BPGM: variants seen among roughly 807,000 people sequenced by gnomAD.
The protein encoded by BPGM is 2,3-bisphosphoglycerate mutase, erythrocyte.
A neutral mutation model predicts 21.6 loss-of-function variants in BPGM; 15 were observed. That is an observed-to-expected ratio of 0.70 (90% CI 0.47 to 1.07). BPGM has a LOEUF of 1.07. BPGM is among the 50% of genes least tolerant of loss of function. The probability of loss-of-function intolerance (pLI) is 0.00; values close to 1 mark genes in which losing one functional copy is unlikely to be tolerated. For synonymous variants in BPGM, 113 were observed against 116.2 expected (o/e 0.97, Z 0.18); for missense variants, 273 against 319.0 (o/e 0.86, Z 1.10).
rs377445959 is a variant in BPGM, at chr7:134,661,554, G to T, written c.47G>T (p.Trp16Leu). 3.7e-5 allele frequency: 59 copies of T among 1,614,048 alleles called. No homozygotes were observed. The highest frequency in any genetic ancestry group is 4.6e-5 in the Non-Finnish European group (54 of 1,180,030). Reference protein sequence around the residue: ...LIMLRHGEGAWNKENRFCSWV... With the variant: ...LIMLRHGEGALNKENRFCSWV... ...ATGTTAAGACATGGAGAGGGTGCTT[G>T]GAATAAGGAGAACCGTTTTTGTAGC... Residue 16 changes from tryptophan (W) to leucine (L), a missense_variant, in exon 2 of 3, where the codon TGG becomes TTG. Coordinates refer to ENST00000344924, the MANE Select transcript of BPGM (RefSeq NM_001724.5). This position sits in a 1 kb window ranked among gnomAD's most constrained non-coding sequence, Gnocchi z 4.6.
rs920729868 is a variant in BPGM at position 134,661,105 on chromosome 7, G to A, written c.-61-342G>A. ...CCAGCCACTAGTCATTCTTTCAGAC[G>A]TCTGTAACTCATTCTATTAAATCCT... On this transcript the variant is annotated intron_variant, in intron 1 of 2. Coordinates refer to ENST00000344924, the MANE Select transcript of BPGM (RefSeq NM_001724.5). The surrounding 1 kb of genome is among the most constrained non-coding windows in gnomAD (Gnocchi z 4.6). Among the ~76,000 whole-genome samples the A allele has an allele frequency of 3.9e-5, 6 of 152,154 alleles. No individual in the cohort carries two copies. The highest frequency in any genetic ancestry group is 1.2e-4 in the African/African-American group (5 of 41,426).
chr7:134,658,151 C>T (rs541610459), intron 1 of BPGM, among the ~76,000 whole-genome samples: 1 of 151,894 alleles, frequency 6.6e-6, no homozygotes, highest in Non-Finnish European at 1.5e-5. Context: ...CTCAGTATCA[C>T]AGGGCAATGG....
At chr7:134,657,456 T>G (rs573787776) in intron 1 of BPGM, among the ~76,000 whole-genome samples, 1 of 152,316 alleles carries the variant, frequency 6.6e-6, no homozygotes, top group African/African-American at 2.4e-5. Context: ...TCAAGGAGTT[T>G]AATTGTTAGT....
At chr7:134,674,642 C>T (rs1795959705) in intron 2 of BPGM, among the ~76,000 whole-genome samples, 1 of 152,152 alleles carries the variant, frequency 6.6e-6, no homozygotes, top group African/African-American at 2.4e-5. Flanking sequence ...GGATATACCA[C>T]ATTTAATTTA....
At chr7:134,670,650 A>C (rs1474365465) in intron 2 of BPGM, among the ~76,000 whole-genome samples, 1 of 152,160 alleles carries the variant, frequency 6.6e-6, no homozygotes, top group East Asian at 1.9e-4. Context: ...TGAAACTCTG[A>C]ATCTCTAGTT....
intron 1 of BPGM, among the ~76,000 whole-genome samples, chr7:134,653,869 A>C (rs920241880): frequency 6.6e-6 from 1 of 152,150 alleles, no homozygotes; most frequent in African/African-American, 2.4e-5. Context: ...ATCAGGATGT[A>C]TGGTTACTCT....
chr7:134,673,486 G>T (rs1479969619), intron 2 of BPGM, among the ~76,000 whole-genome samples: 1 of 152,194 alleles, frequency 6.6e-6, no homozygotes, highest in East Asian at 1.9e-4. Context: ...GGACCTGTTG[G>T]ATCCGGTTAG....
At chr7:134,663,935 C>A (rs959160776) in intron 2 of BPGM, among the ~76,000 whole-genome samples, 1 of 152,162 alleles carries the variant, frequency 6.6e-6, no homozygotes, top group Non-Finnish European at 1.5e-5. Context: ...GAAAGTTTAA[C>A]AAATGATGGT....
chr7:134,653,460 G>A (rs538946486), intron 1 of BPGM, among the ~76,000 whole-genome samples: 1 of 152,308 alleles, frequency 6.6e-6, no homozygotes, highest in African/African-American at 2.4e-5. Flanking sequence ...ATTTCTGTAA[G>A]TAAGTGCTGC....
intron 2 of BPGM, among the ~76,000 whole-genome samples, chr7:134,667,433 T>C (rs1043707463): frequency 1.3e-5 from 2 of 152,144 alleles, no homozygotes; most frequent in Non-Finnish European, 2.9e-5. Context: ...TTGAGCTGGG[T>C]GTGGGGTCAC....
chr7:134,664,820 T>A (rs1045959112), intron 2 of BPGM, among the ~76,000 whole-genome samples: 1 of 152,196 alleles, frequency 6.6e-6, no homozygotes. Context: ...AACTCTGTTA[T>A]GTGAAAGAAG....
chr7:134,679,145 G>A lies in BPGM; in HGVS notation c.*114G>A. ...TTTTCCAGAGCTAGGCTGTGGAGTA[G>A]AGTTTGTATAGGTAACTAGGTAACT... On this transcript the variant is annotated 3_prime_UTR_variant, in exon 3 of 3. Transcript: ENST00000344924. The A allele has an allele frequency of 1.6e-6, 2 of 1,232,928 alleles. No homozygotes were observed. The highest frequency in any genetic ancestry group is 2.3e-6 in the Non-Finnish European group (2 of 873,462). 76.4% of individuals were successfully genotyped at this position (1,232,928 alleles called of 1,614,324 possible). A position where few individuals can be genotyped will look rare whatever the true frequency, so the allele number is the denominator to read the frequency against.
In BPGM at chr7:134,679,125, C is replaced by A; in HGVS notation, c.*94C>A. The A allele has an allele frequency of 7.0e-7, 1 of 1,419,326 alleles. No individual in the cohort carries two copies. Among genetic ancestry groups the A allele is most frequent in the South Asian group, 1.2e-5 (1 of 82,418 alleles). 87.9% of individuals were successfully genotyped at this position (1,419,326 alleles called of 1,614,324 possible). On this transcript the variant is annotated 3_prime_UTR_variant, in exon 3 of 3. Transcript: ENST00000344924. ...CTCTCTCTCTTTTTCCCCGATTTTC[C>A]AGAGCTAGGCTGTGGAGTAGAGTTT...
At chr7:134,663,048 TGCCTTTCATCACTGTCA>T (rs1452688390) in intron 2 of BPGM, among the ~76,000 whole-genome samples, 1 of 152,232 alleles carries the variant, frequency 6.6e-6, no homozygotes. Flanking sequence ...GGTGTTTTCC[TGCCTTTCATCACTGTCA>T]GCAGTTAGCT....
chr7:134,649,231 C>T (rs946098100), intron 1 of BPGM, among the ~76,000 whole-genome samples: 2 of 151,310 alleles, frequency 1.3e-5, no homozygotes, highest in African/African-American at 4.9e-5. Context: ...TCTTATTGAT[C>T]TTCCTATTTT....
intron 2 of BPGM, among the ~76,000 whole-genome samples, chr7:134,670,204 C>A (rs1478789757): frequency 1.3e-5 from 2 of 152,192 alleles, no homozygotes; most frequent in Non-Finnish European, 2.9e-5. Flanking sequence ...TCATGCAAGA[C>A]AGACTTGATC....
rs1270020988 is a variant in BPGM, at chr7:134,679,744, A to T, written c.*713A>T. ...CATTTTGGTTTGTTTTAATTTTTTGAACTTTGGGTACCTGTAATTAGTTTA... is the reference window on the plus strand; with the variant it reads ...CATTTTGGTTTGTTTTAATTTTTTGTACTTTGGGTACCTGTAATTAGTTTA... On this transcript the variant is annotated 3_prime_UTR_variant, in exon 3 of 3. Coordinates refer to ENST00000344924, the MANE Select transcript of BPGM (RefSeq NM_001724.5). 1 of 152,168 alleles carries T rather than the reference A, an allele frequency of 6.6e-6. No individual in the cohort carries two copies. The highest frequency in any genetic ancestry group is 6.5e-5 in the Admixed American group (1 of 15,276). 9.4% of individuals were successfully genotyped at this position (152,168 alleles called of 1,614,324 possible).
intron 2 of BPGM, among the ~76,000 whole-genome samples, chr7:134,675,178 A>G (rs1118820): frequency 0.54 from 82,274 of 151,968 alleles, 23,258 homozygotes; most frequent in East Asian, 0.77. Context: ...TATATGATAT[A>G]CAAATTTTTC....
intron 2 of BPGM, among the ~76,000 whole-genome samples, chr7:134,677,386 T>G (rs1205219452): frequency 2.0e-5 from 3 of 152,198 alleles, no homozygotes; most frequent in Non-Finnish European, 4.4e-5. Context: ...TGGAAGAGAC[T>G]GTGTCTTCTG....
Sources: gnomAD v4.1 joint callset for allele counts (sites outside exome capture counted in the v4.1 genomes callset) on GRCh38, gnomAD v4.1.1 for gene constraint, Gnocchi (gnomAD v3.1) non-coding constraint, MANE v1.5 for transcripts, NCBI Gene and HGNC (gene_info 2026-07-23, HGNC 2026-07-21) for gene names.